The following TMLHE variants were observed in gnomAD, a reference collection of about 807,000 sequenced individuals.
The protein encoded by TMLHE is trimethyllysine hydroxylase, epsilon, also known as trimethyllysine dioxygenase, mitochondrial.
TMLHE carries 18 observed loss-of-function variants against 25.7 expected under a neutral mutation model. The observed-to-expected ratio is 0.70, with a 90% confidence interval of 0.48 to 1.04. The LOEUF (loss-of-function observed/expected upper bound fraction) is 1.04. Ranked by LOEUF, TMLHE falls within the 50% of genes least tolerant of loss-of-function variation. The pLI, the probability that TMLHE is intolerant of heterozygous loss-of-function variation, is 0.00. For synonymous variants in TMLHE, 105 were observed against 97.0 expected, an observed-to-expected ratio of 1.08 and a Z score of -0.49; for missense variants, 236 against 259.0, an observed-to-expected ratio of 0.91 and a Z score of 0.61.
intron 4 of TMLHE, among the ~76,000 whole-genome samples, chrX:155,512,841 T>A (rs2067127002): frequency 8.9e-6 from 1 of 111,961 alleles, no homozygotes; most frequent in African/African-American, 3.2e-5. Context: ...GCTGTACCAT[T>A]GTTGTTGTGT....
At chrX:155,550,691 CT>C (rs1261279545) in intron 1 of TMLHE, among the ~76,000 whole-genome samples, 14 of 110,825 alleles carry the variant, frequency 1.3e-4, no homozygotes, top group Non-Finnish European at 2.5e-4. Flanking sequence ...TCAGTTCAAA[CT>C]GGTGAGACTT....
At chrX:155,560,330 C>T (rs970163124) in intron 1 of TMLHE, among the ~76,000 whole-genome samples, 54 of 110,220 alleles carry the variant, frequency 4.9e-4, no homozygotes, top group Non-Finnish European at 6.8e-4. Context: ...AAATATTTGT[C>T]GGGTGTCTAC....
chrX:155,551,476 T>C (rs1557340051), intron 1 of TMLHE, among the ~76,000 whole-genome samples: 2 of 106,911 alleles, frequency 1.9e-5, no homozygotes, highest in South Asian at 4.2e-4. Flanking sequence ...AATGGTTGAA[T>C]TAATTTACAT....
chrX:155,600,046 AC>A (rs2067746917), intron 1 of TMLHE, among the ~76,000 whole-genome samples: 2 of 111,686 alleles, frequency 1.8e-5, no homozygotes, highest in Admixed American at 1.9e-4. Flanking sequence ...GCCAGAACCT[AC>A]CTCCTTTTGT....
chrX:155,526,498 C>A (rs1295304236), intron 2 of TMLHE, among the ~76,000 whole-genome samples: 1 of 112,704 alleles, frequency 8.9e-6, no homozygotes, highest in Non-Finnish European at 1.9e-5. Flanking sequence ...TGAAGAACCT[C>A]TACTAGGGCA....
chrX:155,598,253 G>A (rs1185824384), intron 1 of TMLHE, among the ~76,000 whole-genome samples: 2 of 111,069 alleles, frequency 1.8e-5, no homozygotes, highest in Non-Finnish European at 3.8e-5. Context: ...ACATGCACAC[G>A]TATGTTTATT....
At chrX:155,510,791 T>C (rs1445515470) in intron 5 of TMLHE, among the ~76,000 whole-genome samples, 1 of 106,633 alleles carries the variant, frequency 9.4e-6, no homozygotes, top group Non-Finnish European at 1.9e-5. Flanking sequence ...GGTCAAATGG[T>C]ATTTCTAGTT....
chrX:155,581,663 A>G (rs1431969371), intron 1 of TMLHE, among the ~76,000 whole-genome samples: 27 of 111,811 alleles, frequency 2.4e-4, no homozygotes, highest in African/African-American at 8.8e-4. Flanking sequence ...ACTGCTCAAT[A>G]AAATAAAAGA....
chrX:155,514,921 C>T (rs2067141831), intron 3 of TMLHE, among the ~76,000 whole-genome samples: 1 of 111,729 alleles, frequency 9.0e-6, no homozygotes, highest in Non-Finnish European at 1.9e-5. Flanking sequence ...TGAAAACCAA[C>T]CCTGAAATGC....
At chrX:155,602,670 C>A (rs2067762596) in intron 1 of TMLHE, among the ~76,000 whole-genome samples, 1 of 111,172 alleles carries the variant, frequency 9.0e-6, no homozygotes, top group Admixed American at 9.6e-5. Context: ...CACACACTCA[C>A]ATGCACACAT....
At chrX:155,546,927 C>G (rs2067348872) in intron 1 of TMLHE, among the ~76,000 whole-genome samples, 1 of 111,007 alleles carries the variant, frequency 9.0e-6, no homozygotes, top group African/African-American at 3.3e-5. Context: ...GACACCAAGA[C>G]TCCAGACCAA....
At chrX:155,599,733 C>T (rs1419530043) in intron 1 of TMLHE, among the ~76,000 whole-genome samples, 3 of 110,714 alleles carry the variant, frequency 2.7e-5, no homozygotes, top group Admixed American at 9.7e-5. Flanking sequence ...ATGAGTTTGA[C>T]GTTTTTTATC....
rs1557334322 is a variant in TMLHE, at chrX:155,514,109, T to C, written c.515A>G (p.Glu172Gly). Reference protein sequence around the residue: ...VPSVDCQSFLETNEGLKKFLQ... With the variant: ...VPSVDCQSFLGTNEGLKKFLQ... ...AAACTTCTTCAGTCCCTCGTTGGTT[T>C]CTAAGAAGCTCTGGCAATCTACCGA... The change falls in exon 4 of 8, where the codon GAA (glutamate) becomes GGA (glycine). Residue 172 changes from glutamate to glycine, a missense_variant. Physicochemically the swap from Glu to Gly is moderately conservative, Grantham distance 98. Coordinates refer to ENST00000334398, the MANE Select transcript of TMLHE (RefSeq NM_018196.4). 1 of 1,211,181 alleles carries C rather than the reference T, an allele frequency of 8.3e-7. No individual in the cohort carries two copies. Among genetic ancestry groups the C allele is most frequent in the East Asian group, 3.0e-5 (1 of 33,802 alleles).
At chrX:155,590,471 A>T (rs2067688324) in intron 1 of TMLHE, among the ~76,000 whole-genome samples, 1 of 111,986 alleles carries the variant, frequency 8.9e-6, no homozygotes, top group South Asian at 3.6e-4. Flanking sequence ...CTTTAAAAAC[A>T]TAATTTTACA....
rs1443933242 is a variant in TMLHE, at chrX:155,569,156, G to C, written c.-1-23879C>G. Among the ~76,000 whole-genome samples, 4 of 57,673 alleles carry C rather than the reference G, an allele frequency of 6.9e-5. 2 individuals carry two copies. The highest frequency in any genetic ancestry group is 9.1e-5 in the Non-Finnish European group (2 of 22,083). The allele number at this position is 57,673 out of a possible 115,157, so 50.1% of individuals were successfully genotyped here. ...AGTGCTTAAAGGAGCTGATGGAGCT[G>C]AAAGCCAAGGCTCGAGAACTACGTG... On this transcript the variant is annotated intron_variant, in intron 1 of 7. Coordinates refer to ENST00000334398, the MANE Select transcript of TMLHE (RefSeq NM_018196.4).
At chrX:155,575,041 A>G (rs1320739384) in intron 1 of TMLHE, among the ~76,000 whole-genome samples, 1 of 111,899 alleles carries the variant, frequency 8.9e-6, no homozygotes, top group Non-Finnish European at 1.9e-5. Flanking sequence ...TGGCTTAACC[A>G]TCAGAAACAT....
At chrX:155,538,160 CCAT>C (rs1557337822) in intron 2 of TMLHE, among the ~76,000 whole-genome samples, 1 of 111,411 alleles carries the variant, frequency 9.0e-6, no homozygotes, top group African/African-American at 3.3e-5. Flanking sequence ...CTGATAACTA[CCAT>C]TATACTCACT....
intron 1 of TMLHE, among the ~76,000 whole-genome samples, chrX:155,598,696 G>T (rs1241246215): frequency 1.8e-5 from 2 of 110,100 alleles, no homozygotes; most frequent in Non-Finnish European, 3.8e-5. Context: ...AAAACTTAAA[G>T]TATAATAATA....
chrX:155,603,089 G>T (rs988254446), intron 1 of TMLHE, among the ~76,000 whole-genome samples: 8 of 111,885 alleles, frequency 7.2e-5, no homozygotes, highest in Non-Finnish European at 1.3e-4. Flanking sequence ...AGTACTTTGG[G>T]AGGCCAAGGC....
Sources: gnomAD v4.1 joint callset for allele counts (sites outside exome capture counted in the v4.1 genomes callset) on GRCh38, gnomAD v4.1.1 for gene constraint, MANE v1.5 for transcripts, NCBI Gene and HGNC (gene_info 2026-07-23, HGNC 2026-07-21) for gene names.